PLCB1: variants seen among roughly 807,000 people sequenced by gnomAD.
PLCB1 encodes 1-phosphatidylinositol 4,5-bisphosphate phosphodiesterase beta-1.
PLCB1 carries 46 observed loss-of-function variants against 161.8 expected under a neutral mutation model. That is an observed-to-expected ratio of 0.28 (90% CI 0.22 to 0.36). PLCB1 has a LOEUF of 0.36. PLCB1 is among the 10% of genes least tolerant of loss of function. PLCB1 has a pLI of 1.00. For synonymous variants in PLCB1, 517 were observed against 503.7 expected (o/e 1.03, Z -0.35); for missense variants, 1,016 against 1,472.5 (o/e 0.69, Z 5.07).
At position 8,812,296 on chromosome 20, in the gene PLCB1, C is replaced by T. The variant is rs114249153; in HGVS notation, c.3423+22035C>T. Among the ~76,000 whole-genome samples the T allele has an allele frequency of 7.7e-3, 1,176 of 152,220 alleles. 17 individuals carry two copies. The highest frequency in any genetic ancestry group is 0.027 in the African/African-American group (1,129 of 41,532). On this transcript the variant is annotated intron_variant, in intron 31 of 31. Coordinates refer to ENST00000338037, the MANE Select transcript of PLCB1 (RefSeq NM_015192.4). ...ACCTCTCTGACTTCTACCCTCCAGG[C>T]GAAAATCCGGAAGATTCTGGAGCAG...
chr20:8,837,021 T>A (rs1290214753), intron 31 of PLCB1, among the ~76,000 whole-genome samples: 1 of 152,166 alleles, frequency 6.6e-6, no homozygotes, highest in African/African-American at 2.4e-5. Flanking sequence ...AGGAATGCGT[T>A]GCTCAAAGTT....
intron 3 of PLCB1, among the ~76,000 whole-genome samples, chr20:8,525,544 C>T (rs377042494): frequency 2.6e-5 from 4 of 152,190 alleles, no homozygotes; most frequent in East Asian, 3.9e-4. Context: ...CCTAATTGAC[C>T]GTGTTGTGCC....
At chr20:8,763,105 C>G (rs1003070186) in intron 25 of PLCB1, among the ~76,000 whole-genome samples, 1 of 152,160 alleles carries the variant, frequency 6.6e-6, no homozygotes, top group South Asian at 2.1e-4. Context: ...AACCATCATA[C>G]CCCACCAACC....
At chr20:8,541,492 C>G (rs1431423132) in intron 3 of PLCB1, among the ~76,000 whole-genome samples, 4 of 151,246 alleles carry the variant, frequency 2.6e-5, no homozygotes, top group Admixed American at 6.6e-5. Context: ...CCAAATCTCA[C>G]AAACAGTGCA....
chr20:8,637,963 G>A (rs1483401871), intron 4 of PLCB1, among the ~76,000 whole-genome samples: 2 of 152,126 alleles, frequency 1.3e-5, no homozygotes, highest in Admixed American at 6.5e-5. Flanking sequence ...GCGCCATCTC[G>A]GCTCACTGCA....
chr20:8,557,673 T>C (rs1193890909), intron 3 of PLCB1, among the ~76,000 whole-genome samples: 1 of 151,988 alleles, frequency 6.6e-6, no homozygotes, highest in Non-Finnish European at 1.5e-5. Context: ...GTCACTCAAC[T>C]GTACACAAAA....
intron 3 of PLCB1, among the ~76,000 whole-genome samples, chr20:8,580,854 C>T (rs1485967134): frequency 3.3e-4 from 50 of 152,192 alleles, no homozygotes; most frequent in Non-Finnish European, 2.1e-4. Context: ...TGACACAGGG[C>T]TGTAGGTGAC....
chr20:8,261,448 G>A (rs575156459), intron 2 of PLCB1, among the ~76,000 whole-genome samples: 1 of 152,240 alleles, frequency 6.6e-6, no homozygotes, highest in Middle Eastern at 3.4e-3. Flanking sequence ...GCTATTTAGG[G>A]AAACATACCT....
chr20:8,727,376 T>C lies in PLCB1; in HGVS notation c.1746T>C (p.Ser582=). The part of the protein sequence containing the change: ...ETKGLEQLTK[S]PVEFVEYNKM... ...AAGGACTTGAACAACTCACCAAGTCTCCAGTGGAATTTGTAGAGTATCCTT... is the reference window on the plus strand; with the variant it reads ...AAGGACTTGAACAACTCACCAAGTCCCCAGTGGAATTTGTAGAGTATCCTT... The change falls in exon 17 of 32, where the codon TCT becomes TCC. Residue 582 remains serine, a synonymous_variant. Transcript: ENST00000338037. 1.3e-6 allele frequency: 2 copies of C among 1,580,434 alleles called. No homozygotes were observed. The highest frequency in any genetic ancestry group is 2.2e-5 in the South Asian group (2 of 89,988).
At chr20:8,546,885 T>G (rs1388201403) in intron 3 of PLCB1, among the ~76,000 whole-genome samples, 5 of 152,214 alleles carry the variant, frequency 3.3e-5, no homozygotes, top group Admixed American at 6.5e-5. Flanking sequence ...TGTGCTTTTC[T>G]AAATATTATC....
intron 2 of PLCB1, among the ~76,000 whole-genome samples, chr20:8,350,799 A>G (rs927672850): frequency 6.6e-6 from 1 of 152,248 alleles, no homozygotes; most frequent in Non-Finnish European, 1.5e-5. Context: ...TTGACAAAAT[A>G]TATCAAGGAG....
intron 3 of PLCB1, among the ~76,000 whole-genome samples, chr20:8,480,658 A>G (rs1982462839): frequency 6.6e-6 from 1 of 152,228 alleles, no homozygotes; most frequent in African/African-American, 2.4e-5. Flanking sequence ...AGGATCTGAC[A>G]GAGGCTGGAC....
intron 2 of PLCB1, among the ~76,000 whole-genome samples, chr20:8,169,423 G>A (rs1046008655): frequency 6.6e-6 from 1 of 152,176 alleles, no homozygotes; most frequent in Non-Finnish European, 1.5e-5. Context: ...GATTAAATGA[G>A]ATAACACATC....
intron 2 of PLCB1, among the ~76,000 whole-genome samples, chr20:8,195,920 T>G (rs1401203350): frequency 1.3e-5 from 2 of 152,120 alleles, no homozygotes; most frequent in Non-Finnish European, 2.9e-5. Context: ...AAAAGAGGTT[T>G]AATTGGCTCA....
At chr20:8,310,238 A>G (rs988368084) in intron 2 of PLCB1, among the ~76,000 whole-genome samples, 2 of 152,208 alleles carry the variant, frequency 1.3e-5, no homozygotes, top group East Asian at 1.9e-4. Context: ...TTTAAAACAA[A>G]TTATCGAAAT....
chr20:8,209,202 T>G (rs960342835), intron 2 of PLCB1, among the ~76,000 whole-genome samples: 4 of 142,534 alleles, frequency 2.8e-5, no homozygotes, highest in South Asian at 2.3e-4. Flanking sequence ...CTGTTTTTTG[T>G]TTTTTTTTTC....
chr20:8,876,906 A>T (rs373097532), intron 31 of PLCB1, among the ~76,000 whole-genome samples: 9 of 152,244 alleles, frequency 5.9e-5, no homozygotes, highest in East Asian at 1.9e-4. Context: ...TCAGAACAGC[A>T]TATACTTTTG....
intron 31 of PLCB1, among the ~76,000 whole-genome samples, chr20:8,872,002 T>G (rs766563055): frequency 6.6e-6 from 1 of 152,186 alleles, no homozygotes; most frequent in Non-Finnish European, 1.5e-5. Context: ...AAGGTCATAT[T>G]TCATAAAATG....
chr20:8,489,426 A>C (rs1199323396), intron 3 of PLCB1, among the ~76,000 whole-genome samples: 1 of 152,152 alleles, frequency 6.6e-6, no homozygotes, highest in African/African-American at 2.4e-5. Flanking sequence ...TAGTTAAATA[A>C]ATCGTTGTAA....
Sources: gnomAD v4.1 joint callset for allele counts (sites outside exome capture counted in the v4.1 genomes callset) on GRCh38, gnomAD v4.1.1 for gene constraint, MANE v1.5 for transcripts, NCBI Gene and HGNC (gene_info 2026-07-23, HGNC 2026-07-21) for gene names.